DLGAP2: variants seen among roughly 807,000 people sequenced by gnomAD.
DLGAP2 encodes DLG associated protein 2, also known as disks large-associated protein 2.
In DLGAP2, 26 loss-of-function variants were observed where a neutral mutation model predicts 100.3. The observed-to-expected ratio is 0.26, with a 90% CI of 0.19 to 0.36. The LOEUF (loss-of-function observed/expected upper bound fraction) is 0.36. DLGAP2 is among the 10% of genes least tolerant of loss of function. The pLI is 1.00. For missense variants in DLGAP2, 1,858 were observed against 1,453.2 expected, an observed-to-expected ratio of 1.28 and a Z score of -4.53; for synonymous variants, 886 against 630.1, an observed-to-expected ratio of 1.41 and a Z score of -6.08.
At chr8:1,540,529 A>T (rs1052589089) in intron 4 of DLGAP2, among the ~76,000 whole-genome samples, 2 of 152,202 alleles carry the variant, frequency 1.3e-5, no homozygotes, top group African/African-American at 4.8e-5. Flanking sequence ...TGACCTCATG[A>T]GAAAAGAAAA....
intron 1 of DLGAP2, among the ~76,000 whole-genome samples, chr8:795,039 T>C (rs915300108): frequency 6.6e-6 from 1 of 152,182 alleles, no homozygotes; most frequent in African/African-American, 2.4e-5. Flanking sequence ...AAGTTAATAT[T>C]GCCAGTGACT....
chr8:1,355,747 C>T (rs1471922053), intron 3 of DLGAP2, among the ~76,000 whole-genome samples: 3 of 152,118 alleles, frequency 2.0e-5, no homozygotes, highest in Non-Finnish European at 4.4e-5. Context: ...CTGGTCCTGT[C>T]CCTGTGGACA....
chr8:1,211,721 C>T (rs578158341), intron 2 of DLGAP2, among the ~76,000 whole-genome samples: 1 of 152,028 alleles, frequency 6.6e-6, no homozygotes, highest in African/African-American at 2.4e-5. Flanking sequence ...ACTAAAAATA[C>T]AAAATTAGCC....
intron 2 of DLGAP2, among the ~76,000 whole-genome samples, chr8:1,062,764 A>G (rs943264325): frequency 2.0e-5 from 3 of 152,170 alleles, no homozygotes; most frequent in Non-Finnish European, 4.4e-5. Context: ...ACTGTAATCC[A>G]GGGAGCATCT....
intron 6 of DLGAP2, among the ~76,000 whole-genome samples, chr8:1,618,560 T>G (rs891278788): frequency 1.3e-5 from 2 of 152,128 alleles, no homozygotes; most frequent in Admixed American, 6.5e-5. Flanking sequence ...TTCTAAAATG[T>G]GTGAAAATGT....
chr8:1,390,352 G>A (rs1356208339), intron 3 of DLGAP2, among the ~76,000 whole-genome samples: 2 of 94,834 alleles, frequency 2.1e-5, no homozygotes, highest in African/African-American at 5.5e-5. Context: ...TTAAAACTCC[G>A]TTTATTAAAA....
At chr8:1,510,098 T>A (rs964196035) in intron 4 of DLGAP2, among the ~76,000 whole-genome samples, 1 of 152,228 alleles carries the variant, frequency 6.6e-6, no homozygotes, top group Non-Finnish European at 1.5e-5. Context: ...TTTGTAAGGA[T>A]TTGCCCCTTT....
At chr8:1,380,661 G>A (rs1002608148) in intron 3 of DLGAP2, among the ~76,000 whole-genome samples, 4 of 152,126 alleles carry the variant, frequency 2.6e-5, no homozygotes, top group Admixed American at 6.5e-5. Flanking sequence ...AGTTCGCCGA[G>A]GTGTCATGTT....
At chr8:1,001,660 A>C (rs1328665535) in intron 2 of DLGAP2, among the ~76,000 whole-genome samples, 3 of 152,148 alleles carry the variant, frequency 2.0e-5, no homozygotes, top group Admixed American at 6.5e-5. Context: ...CATTCAAAGT[A>C]ATATTGATGT....
chr8:1,604,785 GA>G (rs1443052310), intron 6 of DLGAP2: 10 of 151,530 alleles, frequency 6.6e-5, no homozygotes, highest in African/African-American at 2.4e-4. Context: ...TATTTATAAA[GA>G]AAAAAGCAAT....
intron 2 of DLGAP2, chr8:1,019,380 C>A (rs1363959400): frequency 1.3e-5 from 2 of 151,956 alleles, no homozygotes; most frequent in East Asian, 3.9e-4. Context: ...TATCACCACC[C>A]CGTGGCAACT....
intron 5 of DLGAP2, among the ~76,000 whole-genome samples, chr8:1,560,082 G>A (rs921604851): frequency 6.6e-6 from 1 of 152,174 alleles, no homozygotes; most frequent in African/African-American, 2.4e-5. Flanking sequence ...TTAAAAATAA[G>A]GGTGTTTATT....
chr8:1,220,109 G>C (rs989138704), intron 2 of DLGAP2, among the ~76,000 whole-genome samples: 2 of 151,888 alleles, frequency 1.3e-5, no homozygotes, highest in African/African-American at 4.8e-5. Context: ...TCTGAATTTT[G>C]TTCAGTTCAG....
chr8:949,309 C>T (rs1241106370), intron 2 of DLGAP2, among the ~76,000 whole-genome samples: 2 of 152,100 alleles, frequency 1.3e-5, no homozygotes, highest in Non-Finnish European at 2.9e-5. Flanking sequence ...GGCCGTTGGG[C>T]GTGAGTCTGG....
chr8:1,466,658 G>C (rs985164467), intron 3 of DLGAP2, among the ~76,000 whole-genome samples: 1 of 152,146 alleles, frequency 6.6e-6, no homozygotes, highest in Admixed American at 6.5e-5. Context: ...GGATTAAAGA[G>C]CTGCTGCTAT....
chr8:1,087,085 A>G (rs1803998175), intron 2 of DLGAP2, among the ~76,000 whole-genome samples: 1 of 152,236 alleles, frequency 6.6e-6, no homozygotes, highest in Non-Finnish European at 1.5e-5. Flanking sequence ...ATGAAACTAG[A>G]AATTAACATG....
chr8:1,500,226 C>A (rs565793943), intron 3 of DLGAP2, among the ~76,000 whole-genome samples: 7 of 152,366 alleles, frequency 4.6e-5, no homozygotes, highest in Non-Finnish European at 1.0e-4. Context: ...ATCTGATGCT[C>A]CCTGCCCCCC....
chr8:777,469 G>GA (rs1821556010), intron 1 of DLGAP2, among the ~76,000 whole-genome samples: 1 of 152,054 alleles, frequency 6.6e-6, no homozygotes, highest in African/African-American at 2.4e-5. Context: ...ATTTTGGCAT[G>GA]ATTTTGCAGT....
chr8:1,535,029 T>G (rs993369901), intron 4 of DLGAP2, among the ~76,000 whole-genome samples: 1 of 152,244 alleles, frequency 6.6e-6, no homozygotes, highest in Non-Finnish European at 1.5e-5. Context: ...TTCATTTCAT[T>G]AAGCTCTTTC....
Sources: gnomAD v4.1 joint callset for allele counts (sites outside exome capture counted in the v4.1 genomes callset) on GRCh38, gnomAD v4.1.1 for gene constraint, MANE v1.5 for transcripts, NCBI Gene and HGNC (gene_info 2026-07-23, HGNC 2026-07-21) for gene names.